Variants in KCNMA1 observed in about 807,000 individuals in gnomAD.
The protein encoded by KCNMA1 is potassium calcium-activated channel subfamily M alpha 1.
A neutral mutation model predicts 140.0 loss-of-function variants in KCNMA1; 29 were observed. The observed-to-expected ratio is 0.21, with a 90% confidence interval of 0.15 to 0.28. The LOEUF (loss-of-function observed/expected upper bound fraction) is 0.28, where lower values mean the gene tolerates loss of function less well. KCNMA1 is among the 10% of genes least tolerant of loss of function. KCNMA1 has a pLI of 1.00. For synonymous variants in KCNMA1, 612 were observed against 611.9 expected (o/e 1.00, Z 0.00); for missense variants, 880 against 1,602.2 (o/e 0.55, Z 7.70).
At chr10:77,372,469 CCCAGTTCAGTGTT>C in intron 2 of KCNMA1, among the ~76,000 whole-genome samples, 1 of 152,290 alleles carries the variant, frequency 6.6e-6, no homozygotes, top group African/African-American at 2.4e-5. Flanking sequence ...TCTTGGAAAT[CCCAGTTCAGTGTT>C]CCTCTCTCAA....
intron 14 of KCNMA1, among the ~76,000 whole-genome samples, chr10:77,072,003 C>T (rs1047848040): frequency 6.6e-6 from 1 of 152,158 alleles, no homozygotes; most frequent in African/African-American, 2.4e-5. Flanking sequence ...TTCCTCAAAA[C>T]CATCAAGGAA....
chr10:77,425,000 T>A (rs2096946903), intron 1 of KCNMA1, among the ~76,000 whole-genome samples: 1 of 152,214 alleles, frequency 6.6e-6, no homozygotes, highest in South Asian at 2.1e-4. Context: ...GGCCTAGCAC[T>A]GGGCCTGGGC....
At chr10:77,224,613 C>T (rs554864286) in intron 3 of KCNMA1, among the ~76,000 whole-genome samples, 60 of 152,318 alleles carry the variant, frequency 3.9e-4, no homozygotes, top group Non-Finnish European at 6.5e-4. Flanking sequence ...TCCGGCAGCT[C>T]TTCCTTACCC....
At chr10:77,624,234 T>C (rs1206559188) in intron 1 of KCNMA1, among the ~76,000 whole-genome samples, 1 of 152,212 alleles carries the variant, frequency 6.6e-6, no homozygotes, top group East Asian at 1.9e-4. Context: ...CAGATGTTTC[T>C]TTTTATGTTC....
intron 5 of KCNMA1, among the ~76,000 whole-genome samples, chr10:77,178,045 T>C (rs763911725): frequency 1.3e-5 from 2 of 152,232 alleles, no homozygotes; most frequent in Admixed American, 1.3e-4. Flanking sequence ...CCCTACATCA[T>C]TGCAACTGCC....
At chr10:77,262,725 C>T (rs2062362705) in intron 2 of KCNMA1, among the ~76,000 whole-genome samples, 1 of 152,042 alleles carries the variant, frequency 6.6e-6, no homozygotes, top group South Asian at 2.1e-4. Flanking sequence ...CCATGTGATA[C>T]ACCAGCTCTC....
At position 76,887,696 on chromosome 10, in the gene KCNMA1, T is replaced by C; in HGVS notation, c.3462-181A>G. ...TTGTTAAATGGAAACTTCCTCTGTT[T>C]AACTCAATAAAGGAGGCCAGCCAGG... On this transcript the variant is annotated intron_variant, in intron 27 of 27. Coordinates refer to ENST00000286628, the MANE Select transcript of KCNMA1 (RefSeq NM_001161352.2). 3 of 701,506 alleles carry C rather than the reference T, an allele frequency of 4.3e-6. No homozygotes were observed. In the Admixed American group the frequency reaches 7.5e-5, roughly 17 times the overall value. 43.5% of individuals were successfully genotyped at this position (701,506 alleles called of 1,614,324 possible). A position where few individuals can be genotyped will look rare whatever the true frequency, so the allele number is the denominator to read the frequency against.
At chr10:77,074,486 G>A (rs564212156) in intron 13 of KCNMA1, among the ~76,000 whole-genome samples, 1 of 152,332 alleles carries the variant, frequency 6.6e-6, no homozygotes, top group Admixed American at 6.5e-5. Context: ...AGTTAAGACA[G>A]CCAGTAATAT....
At chr10:77,183,006 C>G (rs572201923) in intron 5 of KCNMA1, among the ~76,000 whole-genome samples, 8 of 152,184 alleles carry the variant, frequency 5.3e-5, no homozygotes, top group African/African-American at 1.9e-4. Context: ...GCAGAACCCA[C>G]TTTTTGGAAG....
intron 3 of KCNMA1, among the ~76,000 whole-genome samples, chr10:77,208,371 T>C (rs2044846460): frequency 6.6e-6 from 1 of 152,134 alleles, no homozygotes; most frequent in Non-Finnish European, 1.5e-5. Flanking sequence ...ATGCTTATAA[T>C]CCCGGCTCCT....
rs766240356 is a variant in KCNMA1 at position 77,324,971 on chromosome 10, C to CTCTCTGTGTG, written c.541-73716_541-73715insCACACAGAGA. Among the ~76,000 whole-genome samples, 239 of 90,434 alleles carry CTCTCTGTGTG rather than the reference C, an allele frequency of 2.6e-3. 3 individuals are homozygous for CTCTCTGTGTG. Among genetic ancestry groups the CTCTCTGTGTG allele is most frequent in the Admixed American group, 3.9e-3 (32 of 8,192 alleles). The allele number at this position is 90,434 out of a possible 152,430, so 59.3% of individuals were successfully genotyped here. ...TCTCTCTCTCTCTCTCTCTCTCTCT[C>CTCTCTGTGTG]TGTGTGTGTGTGTGTGTGTGTGTGT... On this transcript the variant is annotated intron_variant, in intron 2 of 27. Transcript: ENST00000286628.
At chr10:77,304,573 T>A (rs1211115011) in intron 2 of KCNMA1, 1 of 152,220 alleles carries the variant, frequency 6.6e-6, no homozygotes, top group African/African-American at 2.4e-5. Context: ...GAGCAACACG[T>A]GCCATAATGG....
At chr10:77,000,203 T>C (rs1296471197) in intron 19 of KCNMA1, among the ~76,000 whole-genome samples, 1 of 152,196 alleles carries the variant, frequency 6.6e-6, no homozygotes, top group Non-Finnish European at 1.5e-5. Context: ...GTTAGCAATA[T>C]ATGTGTTGGC....
At chr10:77,389,131 AG>A (rs1446721426) in intron 2 of KCNMA1, among the ~76,000 whole-genome samples, 1 of 152,226 alleles carries the variant, frequency 6.6e-6, no homozygotes, top group African/African-American at 2.4e-5. Flanking sequence ...TTCATCTAAA[AG>A]TTAACCTACA....
At chr10:77,322,217 T>C (rs1314194649) in intron 2 of KCNMA1, among the ~76,000 whole-genome samples, 1 of 152,218 alleles carries the variant, frequency 6.6e-6, no homozygotes, top group Non-Finnish European at 1.5e-5. Flanking sequence ...ATATTATTTC[T>C]GTGCACAATC....
At chr10:77,141,328 G>A (rs966254632) in intron 5 of KCNMA1, among the ~76,000 whole-genome samples, 12 of 152,110 alleles carry the variant, frequency 7.9e-5, no homozygotes, top group East Asian at 3.9e-4. Flanking sequence ...TGCCAAAGTC[G>A]TAGGTTGAAG....
chr10:77,324,648 A>G (rs772941114), intron 2 of KCNMA1, among the ~76,000 whole-genome samples: 1 of 152,106 alleles, frequency 6.6e-6, no homozygotes, highest in Non-Finnish European at 1.5e-5. Flanking sequence ...TAATTCTCCA[A>G]CCTTAGCCTC....
chr10:77,160,161 C>G (rs1213845083), intron 5 of KCNMA1, among the ~76,000 whole-genome samples: 3 of 152,124 alleles, frequency 2.0e-5, no homozygotes, highest in Non-Finnish European at 4.4e-5. Flanking sequence ...GTAAGTCCTG[C>G]CCCAGAGTAA....
intron 2 of KCNMA1, among the ~76,000 whole-genome samples, chr10:77,276,237 C>T (rs1213329410): frequency 6.6e-6 from 1 of 152,228 alleles, no homozygotes; most frequent in Non-Finnish European, 1.5e-5. Flanking sequence ...CCTTCGTCTA[C>T]CTTCTAGCAT....
Sources: allele counts gnomAD v4.1 joint callset (sites outside exome capture counted in the v4.1 genomes callset), GRCh38; gene constraint gnomAD v4.1.1; transcripts MANE v1.5; gene names NCBI Gene and HGNC (gene_info 2026-07-23, HGNC 2026-07-21).